Variants in PPP1R9A observed in about 807,000 individuals in gnomAD.
PPP1R9A encodes protein phosphatase 1 regulatory subunit 9A.
A neutral mutation model predicts 141.9 loss-of-function variants in PPP1R9A; 59 were observed. That is an observed-to-expected ratio of 0.42 (90% CI 0.34 to 0.52). The LOEUF is 0.52. PPP1R9A is among the 20% of genes least tolerant of loss of function. The pLI is 0.10. For synonymous variants in PPP1R9A, 500 were observed against 569.7 expected, an observed-to-expected ratio of 0.88 and a Z score of 1.74; for missense variants, 1,444 against 1,611.9, an observed-to-expected ratio of 0.90 and a Z score of 1.78.
intron 2 of PPP1R9A, among the ~76,000 whole-genome samples, chr7:94,923,435 A>G (rs1271335386): frequency 2.0e-5 from 3 of 152,170 alleles, no homozygotes; most frequent in Admixed American, 6.5e-5. Context: ...CTCTCTGTGA[A>G]GGTGAGACAG....
At chr7:95,081,481 T>G (rs531194102) in intron 2 of PPP1R9A, among the ~76,000 whole-genome samples, 2 of 151,804 alleles carry the variant, frequency 1.3e-5, no homozygotes, top group South Asian at 2.1e-4. Context: ...TAATGAAAAA[T>G]GAGATGAAAA....
Position 95,098,304 on chromosome 7 carries a change from A to G in PPP1R9A, c.1396-12955A>G, listed in dbSNP as rs1209241622. The G allele has an allele frequency of 5.9e-5, 9 of 152,208 alleles. No individual in the cohort carries two copies. The East Asian group carries it at 1.4e-3, about 23-fold the overall frequency. 9.4% of individuals were successfully genotyped at this position (152,208 alleles called of 1,614,324 possible). ...TATAGCTAATTGAAGACTTTTCCCA[A>G]TATCCCGCTGTGAGGACTTACAATA... On this transcript the variant is annotated intron_variant, in intron 2 of 19. Transcript: ENST00000433360.
At chr7:95,022,042 A>G (rs1806043388) in intron 2 of PPP1R9A, among the ~76,000 whole-genome samples, 1 of 152,160 alleles carries the variant, frequency 6.6e-6, no homozygotes, top group Admixed American at 6.5e-5. Context: ...ATCACACTGA[A>G]TCTATAAATT....
intron 2 of PPP1R9A, among the ~76,000 whole-genome samples, chr7:94,977,812 G>A (rs1799631794): frequency 6.6e-6 from 1 of 151,094 alleles, no homozygotes; most frequent in African/African-American, 2.4e-5. Context: ...ACCCAGGCTG[G>A]AGTTCAGTGG....
chr7:95,164,765 G>A (rs888445217), intron 5 of PPP1R9A, among the ~76,000 whole-genome samples: 14 of 113,002 alleles, frequency 1.2e-4, no homozygotes, highest in Non-Finnish European at 2.6e-4. Context: ...TTTTTTTCAG[G>A]CATGGCCTAT....
At chr7:94,987,353 A>G (rs928706077) in intron 2 of PPP1R9A, among the ~76,000 whole-genome samples, 1 of 152,186 alleles carries the variant, frequency 6.6e-6, no homozygotes, top group Admixed American at 6.6e-5. Context: ...AGATTTAGAA[A>G]TTAAATCCTA....
rs144366631 is a variant in PPP1R9A, at chr7:95,267,167, G to A, written c.2666-1383G>A. ...CATATACTAAGTGCTAGGTTTCATA[G>A]ACAAGAGGCACAAACTGAGGTGCTT... On this transcript the variant is annotated intron_variant, in intron 12 of 19. Transcript: ENST00000433360. Among the ~76,000 whole-genome samples, 1,069 of 152,214 alleles carry A rather than the reference G, an allele frequency of 7.0e-3. 27 individuals carry two copies. Among genetic ancestry groups the A allele is most frequent in the Admixed American group, 0.04 (605 of 15,284 alleles).
intron 6 of PPP1R9A, among the ~76,000 whole-genome samples, chr7:95,199,340 G>C (rs1177402785): frequency 3.3e-5 from 5 of 152,066 alleles, no homozygotes; most frequent in Non-Finnish European, 7.4e-5. Flanking sequence ...TACATATTCA[G>C]GTAAAACAAA....
chr7:95,145,472 T>C (rs1827437468), intron 4 of PPP1R9A, among the ~76,000 whole-genome samples: 1 of 152,140 alleles, frequency 6.6e-6, no homozygotes, highest in African/African-American at 2.4e-5. Context: ...AAGACAAACG[T>C]TGGAAGAAAG....
intron 16 of PPP1R9A, among the ~76,000 whole-genome samples, chr7:95,281,011 C>T (rs1413991855): frequency 7.9e-5 from 12 of 152,148 alleles, no homozygotes; most frequent in Non-Finnish European, 1.5e-4. Flanking sequence ...AGGAAATTGA[C>T]ATTTATTTTA....
Position 95,206,640 on chromosome 7 carries a change from A to G in PPP1R9A, c.1956+2910A>G, listed in dbSNP as rs536964210. On this transcript the variant is annotated intron_variant, in intron 7 of 19. Coordinates refer to ENST00000433360, the MANE Select transcript of PPP1R9A (RefSeq NM_001166160.2). ...ACTATTCAGTCTGCTTTTTGAAACT[A>G]TAAGTTAATTTCTCCAATTCTAGAA... is the stretch of plus-strand genomic sequence containing the variant. Among the ~76,000 whole-genome samples, 15 of 152,334 alleles carry G rather than the reference A, an allele frequency of 9.8e-5. No homozygotes were observed. The South Asian group carries it at 3.1e-3, about 32-fold the overall frequency.
At chr7:95,120,942 T>A in intron 4 of PPP1R9A, 110 bp downstream of exon 4, 1 of 1,363,248 alleles carries the variant, frequency 7.3e-7, no homozygotes. Context: ...GGATAGAATT[T>A]CAGGTTTCTC....
At chr7:95,050,201 ATGT>A (rs1360416820) in intron 2 of PPP1R9A, among the ~76,000 whole-genome samples, 1 of 152,136 alleles carries the variant, frequency 6.6e-6, no homozygotes, top group African/African-American at 2.4e-5. Context: ...AGTGGGTATC[ATGT>A]TGTTGTTTTA....
chr7:95,199,100 C>G (rs1455492454), intron 6 of PPP1R9A, among the ~76,000 whole-genome samples: 1 of 152,120 alleles, frequency 6.6e-6, no homozygotes, highest in Admixed American at 6.6e-5. Context: ...TGTAAAAGAT[C>G]AAGTAAATGA....
intron 2 of PPP1R9A, among the ~76,000 whole-genome samples, chr7:94,992,645 T>C (rs944777620): frequency 2.0e-5 from 3 of 152,202 alleles, no homozygotes; most frequent in Non-Finnish European, 2.9e-5. Context: ...CTGGGCAGTC[T>C]TTTTAAATTT....
intron 12 of PPP1R9A, among the ~76,000 whole-genome samples, chr7:95,256,725 T>TA (rs1249018539): frequency 6.6e-6 from 1 of 152,052 alleles, no homozygotes; most frequent in African/African-American, 2.4e-5. Context: ...TTGAATACAT[T>TA]AAAAAACTCG....
At chr7:95,266,272 A>G (rs1801266485) in intron 12 of PPP1R9A, among the ~76,000 whole-genome samples, 1 of 152,060 alleles carries the variant, frequency 6.6e-6, no homozygotes, top group Non-Finnish European at 1.5e-5. Flanking sequence ...AACCAACCAG[A>G]CCAAAATAAA....
chr7:94,986,995 A>G (rs987528528), intron 2 of PPP1R9A, among the ~76,000 whole-genome samples: 1 of 152,154 alleles, frequency 6.6e-6, no homozygotes, highest in African/African-American at 2.4e-5. Context: ...TTGTCGGGGT[A>G]TGGATTGGGC....
chr7:95,281,740 T>G (rs1804269557), intron 16 of PPP1R9A, among the ~76,000 whole-genome samples: 1 of 152,204 alleles, frequency 6.6e-6, no homozygotes, highest in Non-Finnish European at 1.5e-5. Flanking sequence ...CTAAAAGCAT[T>G]GTTACAAAGG....
Sources: gnomAD v4.1 joint callset for allele counts (sites outside exome capture counted in the v4.1 genomes callset) on GRCh38, gnomAD v4.1.1 for gene constraint, MANE v1.5 for transcripts, NCBI Gene and HGNC (gene_info 2026-07-23, HGNC 2026-07-21) for gene names.